Variants in FBXL13 observed in about 807,000 individuals in gnomAD.
FBXL13 encodes F-box and leucine rich repeat protein 13.
A neutral mutation model predicts 83.6 loss-of-function variants in FBXL13; 67 were observed. That is an observed-to-expected ratio of 0.80 (90% CI 0.66 to 0.98). The LOEUF (loss-of-function observed/expected upper bound fraction) is 0.98. FBXL13 is among the 50% of genes least tolerant of loss of function. The probability of loss-of-function intolerance (pLI) is 0.00; values close to 1 mark genes in which losing one functional copy is unlikely to be tolerated. For synonymous variants in FBXL13, 272 were observed against 299.5 expected (o/e 0.91, Z 0.95); for missense variants, 822 against 866.5 (o/e 0.95, Z 0.64).
rs1316312796 is a variant in FBXL13, at chr7:103,060,018, TTTTA to T, written c.-104-4275_-104-4272del. On this transcript the variant is annotated intron_variant, in intron 1 of 19. Transcript: ENST00000313221. The stretch of plus-strand genomic sequence containing the variant: ...TTCAACAGATAATGATAGCAAGATA[TTTTA>T]TATATATATATATATATATATATAT... Among the ~76,000 whole-genome samples, 31 of 58,370 alleles carry T rather than the reference TTTTA, an allele frequency of 5.3e-4. 1 individual carries two copies. The highest frequency in any genetic ancestry group is 7.3e-4 in the African/African-American group (12 of 16,336). The allele number at this position is 58,370 out of a possible 152,430, so 38.3% of individuals were successfully genotyped here. A position where few individuals can be genotyped will look rare whatever the true frequency, so the allele number is the denominator to read the frequency against.
intron 11 of FBXL13, among the ~76,000 whole-genome samples, chr7:102,895,760 T>C (rs543525557): frequency 3.9e-5 from 6 of 152,294 alleles, no homozygotes; most frequent in African/African-American, 9.6e-5. Context: ...ACCCTCCCAA[T>C]TGGCACTTTC....
chr7:102,944,279 A>G (rs1822039148), intron 8 of FBXL13: 1 of 1,613,762 alleles, frequency 6.2e-7, no homozygotes, highest in Non-Finnish European at 8.5e-7. Context: ...AACTTTGACT[A>G]TGGCGTATTA....
At chr7:102,829,626 T>C (rs1800305050) in intron 18 of FBXL13, among the ~76,000 whole-genome samples, 1 of 152,182 alleles carries the variant, frequency 6.6e-6, no homozygotes, top group South Asian at 2.1e-4. Flanking sequence ...AACCAGCTTT[T>C]CCTCTGATTT....
chr7:103,066,920 T>A (rs1798454819), intron 1 of FBXL13, among the ~76,000 whole-genome samples: 1 of 150,696 alleles, frequency 6.6e-6, no homozygotes, highest in Admixed American at 6.6e-5. Context: ...GCCACTCGAG[T>A]AGCTGGGATT....
At chr7:102,830,980 G>A (rs761168523) in intron 18 of FBXL13, among the ~76,000 whole-genome samples, 7 of 152,094 alleles carry the variant, frequency 4.6e-5, no homozygotes, top group Admixed American at 2.6e-4. Flanking sequence ...AAAACTAATC[G>A]GAAGGTCAGA....
Position 103,055,183 on chromosome 7 carries a change from A to G in FBXL13, c.-1+461T>C. 1 of 1,266,824 alleles carries G rather than the reference A, an allele frequency of 7.9e-7. No homozygotes were observed. Among genetic ancestry groups the G allele is most frequent in the Non-Finnish European group, 1.0e-6 (1 of 973,618 alleles). 78.5% of individuals were successfully genotyped at this position (1,266,824 alleles called of 1,614,324 possible). On this transcript the variant is annotated intron_variant, in intron 2 of 19. Coordinates refer to ENST00000313221, the Ensembl canonical transcript of FBXL13. ...GATGGAGTAATGCACATATCCCTTT[A>G]ATAACATCATAAAATACAGTCAAAA...
At chr7:103,055,448 C>T (rs142510353) in intron 2 of FBXL13, among the ~76,000 whole-genome samples, 196 bp downstream of exon 2, 1 of 152,084 alleles carries the variant, frequency 6.6e-6, no homozygotes, top group East Asian at 1.9e-4. Context: ...TAAGAATACA[C>T]CGTATTTCTC....
At chr7:102,812,968 G>C (rs1282729886), downstream of FBXL13, among the ~76,000 whole-genome samples, 1 of 151,150 alleles carries the variant, frequency 6.6e-6, no homozygotes, top group Admixed American at 6.6e-5. Flanking sequence ...TCAGCCTCCT[G>C]AGTAGCTGGG....
At chr7:102,922,859 T>C (rs1456668214) in intron 10 of FBXL13, among the ~76,000 whole-genome samples, 1 of 151,696 alleles carries the variant, frequency 6.6e-6, no homozygotes, top group Non-Finnish European at 1.5e-5. Flanking sequence ...GTGCCTGTAG[T>C]CCCAGCTACT....
rs777362646 is a variant in FBXL13 at position 102,934,088 on chromosome 7, T to C, written c.725-2155A>G. 1 of 1,614,222 alleles carries C rather than the reference T, an allele frequency of 6.2e-7. No individual in the cohort carries two copies. Among genetic ancestry groups the C allele is most frequent in the Non-Finnish European group, 8.5e-7 (1 of 1,180,024 alleles). On this transcript the variant is annotated intron_variant, in intron 8 of 19. Transcript: ENST00000313221. ...AGGCCTCCCGTGTGACGTGTACACA[T>C]ATCTCCATGAGAAATACTTAGATTG...
At position 102,912,671 on chromosome 7, in the gene FBXL13, A is replaced by ACC. The variant is rs3832498; in HGVS notation, c.1008+413_1008+414dup. Among the ~76,000 whole-genome samples, 250 of 73,584 alleles carry ACC rather than the reference A, an allele frequency of 3.4e-3. 7 individuals carry two copies. Among genetic ancestry groups the ACC allele is most frequent in the East Asian group, 0.011 (28 of 2,552 alleles). 48.3% of individuals were successfully genotyped at this position (73,584 alleles called of 152,430 possible). Reference sequence around the variant, plus strand: ...TCCTATTTATCACTTATAGCATTTTACCCCCCCCCCCCCAAAAAAAAACCC... The same window carrying ACC: ...TCCTATTTATCACTTATAGCATTTTACCCCCCCCCCCCCCCAAAAAAAAACCC... On this transcript the variant is annotated intron_variant, in intron 11 of 19. Transcript: ENST00000313221.
chr7:103,071,030 C>G (rs975954694), intron 1 of FBXL13, among the ~76,000 whole-genome samples: 3 of 152,060 alleles, frequency 2.0e-5, no homozygotes, highest in Non-Finnish European at 4.4e-5. Flanking sequence ...CATTCTAGAA[C>G]TGAAAAACAT....
intron 6 of FBXL13, among the ~76,000 whole-genome samples, chr7:102,994,768 G>A (rs1311079587): frequency 6.6e-6 from 1 of 152,152 alleles, no homozygotes; most frequent in Non-Finnish European, 1.5e-5. Flanking sequence ...CAATGCTGCT[G>A]GCTTCTGATT....
chr7:102,898,121 C>T (rs1339997928), intron 11 of FBXL13, among the ~76,000 whole-genome samples: 1 of 152,030 alleles, frequency 6.6e-6, no homozygotes, highest in East Asian at 1.9e-4. Flanking sequence ...ACAATATCAA[C>T]TAAAGCCAAA....
chr7:103,014,052 C>G (rs570525969), intron 6 of FBXL13, among the ~76,000 whole-genome samples: 1 of 152,162 alleles, frequency 6.6e-6, no homozygotes, highest in Admixed American at 6.5e-5. Context: ...TGGATAAATT[C>G]CTGGAAACAT....
At chr7:102,962,513 G>A (rs1264178338) in intron 8 of FBXL13, among the ~76,000 whole-genome samples, 2 of 152,090 alleles carry the variant, frequency 1.3e-5, no homozygotes, top group African/African-American at 4.8e-5. Context: ...AAATCATGCT[G>A]CTATAAAGAC....
At chr7:102,978,028 C>G (rs952514637) in intron 6 of FBXL13, among the ~76,000 whole-genome samples, 1 of 152,074 alleles carries the variant, frequency 6.6e-6, no homozygotes, top group African/African-American at 2.4e-5. Flanking sequence ...GGCACACCAA[C>G]ATGGCACATG....
At chr7:103,025,839 T>C (rs529258169) in intron 5 of FBXL13, among the ~76,000 whole-genome samples, 72 of 152,128 alleles carry the variant, frequency 4.7e-4, no homozygotes, top group African/African-American at 1.7e-3. Flanking sequence ...AGAACACATG[T>C]GGAGCGCTTG....
intron 11 of FBXL13, among the ~76,000 whole-genome samples, chr7:102,912,681 C>CG (rs201576260): frequency 1.4e-5 from 2 of 140,852 alleles, no homozygotes; most frequent in Non-Finnish European, 3.1e-5. Flanking sequence ...ACCCCCCCCC[C>CG]CCCAAAAAAA....
Sources: allele counts gnomAD v4.1 joint callset (sites outside exome capture counted in the v4.1 genomes callset), GRCh38; gene constraint gnomAD v4.1.1; transcripts MANE v1.5; gene names NCBI Gene and HGNC (gene_info 2026-07-23, HGNC 2026-07-21).